Variants in CORIN observed in about 807,000 individuals in gnomAD.
The protein encoded by CORIN is atrial natriuretic peptide-converting enzyme.
CORIN carries 117 observed loss-of-function variants against 125.3 expected under a neutral mutation model. The ratio of observed to expected loss-of-function variants is 0.93; its 90% CI spans 0.80 to 1.09. The LOEUF (loss-of-function observed/expected upper bound fraction) is 1.09, where lower values mean the gene tolerates loss of function less well. Ranked by LOEUF, CORIN falls within the 50% of genes least tolerant of loss-of-function variation. CORIN has a pLI of 0.00. For missense variants in CORIN, 1,253 were observed against 1,306.7 expected, an observed-to-expected ratio of 0.96 and a Z score of 0.63; for synonymous variants, 450 against 466.4, an observed-to-expected ratio of 0.96 and a Z score of 0.45.
chr4:47,832,382 C>A (rs916794075), intron 1 of CORIN, among the ~76,000 whole-genome samples: 1 of 151,678 alleles, frequency 6.6e-6, no homozygotes, highest in Admixed American at 6.6e-5. Context: ...GAAAAAGAAG[C>A]AAATAGAGGT....
At chr4:47,732,171 G>A (rs1216344683) in intron 5 of CORIN, among the ~76,000 whole-genome samples, 1 of 152,156 alleles carries the variant, frequency 6.6e-6, no homozygotes, top group Admixed American at 6.5e-5. Flanking sequence ...GTATCCTGTG[G>A]AATATCAACA....
chr4:47,674,636 T>C, intron 9 of CORIN, 136 bp from the exon 10 acceptor site: 2 of 631,066 alleles, frequency 3.2e-6, no homozygotes, highest in Non-Finnish European at 5.7e-6. Flanking sequence ...CCAAAAGTAT[T>C]GAACGTACGT....
intron 5 of CORIN, among the ~76,000 whole-genome samples, chr4:47,739,486 C>A (rs886719555): frequency 4.6e-5 from 7 of 151,892 alleles, no homozygotes; most frequent in African/African-American, 1.7e-4. Context: ...ATGATATTCC[C>A]AGATAAACAA....
intron 6 of CORIN, among the ~76,000 whole-genome samples, chr4:47,687,582 G>A (rs1432170355): frequency 2.0e-5 from 3 of 152,020 alleles, no homozygotes; most frequent in Non-Finnish European, 2.9e-5. Flanking sequence ...CAAAATTATT[G>A]TTAAATTAGA....
chr4:47,730,250 G>A (rs553911297), intron 5 of CORIN, among the ~76,000 whole-genome samples: 14 of 152,106 alleles, frequency 9.2e-5, no homozygotes, highest in African/African-American at 3.1e-4. Context: ...TGAGGCAGGC[G>A]GATCACGAGG....
At chr4:47,629,864 C>T (rs191410973) in intron 16 of CORIN, among the ~76,000 whole-genome samples, 6 of 152,126 alleles carry the variant, frequency 3.9e-5, no homozygotes, top group Admixed American at 3.3e-4. Flanking sequence ...AATTATTTCC[C>T]ATTTTGGAGA....
intron 2 of CORIN, among the ~76,000 whole-genome samples, chr4:47,796,769 A>T (rs2109934541): frequency 6.6e-6 from 1 of 152,168 alleles, no homozygotes; most frequent in Admixed American, 6.5e-5. Context: ...GAATGAATAA[A>T]TAAACAAATA....
chr4:47,749,122 A>T (rs138116708), intron 4 of CORIN, among the ~76,000 whole-genome samples: 1 of 151,018 alleles, frequency 6.6e-6, no homozygotes, highest in Non-Finnish European at 1.5e-5. Flanking sequence ...TTTCATGAGA[A>T]AAAAAAAAAC....
At chr4:47,706,302 C>T in intron 5 of CORIN, 3 of 1,135,602 alleles carry the variant, frequency 2.6e-6, no homozygotes, top group East Asian at 4.7e-5. Flanking sequence ...AACTGCTCTA[C>T]TCTATGGACT....
At chr4:47,606,215 T>G (rs778824186) in intron 19 of CORIN, among the ~76,000 whole-genome samples, 1 of 152,128 alleles carries the variant, frequency 6.6e-6, no homozygotes, top group Non-Finnish European at 1.5e-5. Context: ...GGTAGTACTA[T>G]CACATGAACA....
chr4:47,672,619 C>T (rs181905619), intron 10 of CORIN, among the ~76,000 whole-genome samples: 174 of 150,760 alleles, frequency 1.2e-3, no homozygotes, highest in African/African-American at 4.0e-3. Flanking sequence ...ATATGTTATA[C>T]GTGTGTGTGT....
intron 12 of CORIN, among the ~76,000 whole-genome samples, chr4:47,659,556 G>A (rs1577794191): frequency 6.6e-6 from 1 of 152,140 alleles, no homozygotes. Flanking sequence ...CATGGTAAAG[G>A]AGCAAGAGAG....
intron 11 of CORIN, 22 bp from the exon 12 acceptor site, chr4:47,661,878 A>T: frequency 6.4e-7 from 1 of 1,569,536 alleles, no homozygotes; most frequent in Non-Finnish European, 8.7e-7. Context: ...AGAAAGACAA[A>T]ACATTAGAAG....
At chr4:47,691,519 T>C (rs1004083263) in intron 6 of CORIN, among the ~76,000 whole-genome samples, 3 of 152,208 alleles carry the variant, frequency 2.0e-5, no homozygotes, top group African/African-American at 7.2e-5. Context: ...ATGCGTGGCA[T>C]AATTGAAGTT....
chr4:47,669,667 C>T (rs934023267), intron 10 of CORIN, among the ~76,000 whole-genome samples: 2 of 151,176 alleles, frequency 1.3e-5, no homozygotes, highest in South Asian at 2.1e-4. Context: ...CTCCTGGGTT[C>T]GCACCATTCT....
chr4:47,768,087 C>G (rs1449841384), intron 3 of CORIN, among the ~76,000 whole-genome samples: 1 of 152,182 alleles, frequency 6.6e-6, no homozygotes, highest in East Asian at 1.9e-4. Flanking sequence ...CTGGCTCACC[C>G]CGGCTCAAAA....
chr4:47,722,790 C>T (rs900167045), intron 5 of CORIN, among the ~76,000 whole-genome samples: 1 of 152,138 alleles, frequency 6.6e-6, no homozygotes, highest in African/African-American at 2.4e-5. Flanking sequence ...CTTACCTCCC[C>T]CTGTGATTGT....
intron 8 of CORIN, among the ~76,000 whole-genome samples, chr4:47,678,393 C>T (rs1218787303): frequency 1.3e-5 from 2 of 152,152 alleles, no homozygotes; most frequent in Non-Finnish European, 2.9e-5. Flanking sequence ...TCATATAAAT[C>T]TTGTAAAGTA....
intron 19 of CORIN, among the ~76,000 whole-genome samples, chr4:47,617,963 T>C (rs1351526018): frequency 1.2e-5 from 1 of 82,238 alleles, no homozygotes; most frequent in Non-Finnish European, 2.8e-5. Context: ...GTCCAACTGA[T>C]GTTGAAAGTC....
Sources: gnomAD v4.1 joint callset for allele counts (sites outside exome capture counted in the v4.1 genomes callset) on GRCh38, gnomAD v4.1.1 for gene constraint, MANE v1.5 for transcripts, NCBI Gene and HGNC (gene_info 2026-07-23, HGNC 2026-07-21) for gene names.